The following DPP10 variants were observed in gnomAD, a reference collection of about 807,000 sequenced individuals.
DPP10 encodes inactive dipeptidyl peptidase 10.
Under a neutral mutation model 120.9 loss-of-function variants are expected in DPP10, and 33 were observed. The ratio of observed to expected loss-of-function variants is 0.27; its 90% CI spans 0.21 to 0.37. The LOEUF is 0.37. Among genes scored for constraint, DPP10 ranks in the 10% least tolerant of loss-of-function variants. DPP10 has a pLI of 1.00. For synonymous variants in DPP10, 337 were observed against 326.1 expected, an observed-to-expected ratio of 1.03 and a Z score of -0.36; for missense variants, 816 against 942.8, an observed-to-expected ratio of 0.87 and a Z score of 1.76.
intron 1 of DPP10, among the ~76,000 whole-genome samples, chr2:115,223,646 C>G (rs532859897): frequency 4.6e-5 from 7 of 151,738 alleles, no homozygotes; most frequent in African/African-American, 1.5e-4. Context: ...CAAAAAGGAA[C>G]GAGTAAACGA....
At chr2:115,308,311 T>A (rs2061439089) in intron 1 of DPP10, among the ~76,000 whole-genome samples, 1 of 152,126 alleles carries the variant, frequency 6.6e-6, no homozygotes, top group Non-Finnish European at 1.5e-5. Flanking sequence ...TTTGTTTCAT[T>A]TATCACCAAA....
At chr2:115,074,663 C>G (rs577211744) in intron 1 of DPP10, among the ~76,000 whole-genome samples, 54 of 152,156 alleles carry the variant, frequency 3.5e-4, no homozygotes, top group African/African-American at 1.1e-3. Flanking sequence ...AATGGTAAAC[C>G]ATTTCGAAGG....
At chr2:114,949,752 A>G (rs1243064941) in intron 1 of DPP10, among the ~76,000 whole-genome samples, 2 of 152,188 alleles carry the variant, frequency 1.3e-5, no homozygotes, top group Non-Finnish European at 2.9e-5. Context: ...TGAAAGAGGC[A>G]TCACTTCACC....
At chr2:115,562,943 T>C (rs2080779900) in intron 5 of DPP10, among the ~76,000 whole-genome samples, 1 of 152,202 alleles carries the variant, frequency 6.6e-6, no homozygotes, top group Admixed American at 6.5e-5. Flanking sequence ...ATCTTCCCGG[T>C]CAGGAAAGTT....
intron 1 of DPP10, among the ~76,000 whole-genome samples, chr2:115,023,179 C>A (rs1258770410): frequency 6.6e-6 from 1 of 152,084 alleles, no homozygotes; most frequent in Non-Finnish European, 1.5e-5. Context: ...ACCTTCTGCA[C>A]AGCAAAAGAA....
intron 5 of DPP10, among the ~76,000 whole-genome samples, chr2:115,651,066 T>G (rs953120189): frequency 6.6e-6 from 1 of 152,042 alleles, no homozygotes; most frequent in Non-Finnish European, 1.5e-5. Flanking sequence ...TAACAAAGCA[T>G]GCTTATCTTT....
chr2:114,448,139 A>G lies in DPP10; in HGVS notation c.60+5301A>G, dbSNP rs562155126. ...TTCTTTTTAATAAAGAGTGACTATA[A>G]TAATTGGCCAGCTTTACATTTTATA... is the stretch of plus-strand genomic sequence containing the variant. On this transcript the variant is annotated intron_variant, in intron 1 of 25. Coordinates refer to ENST00000410059, the MANE Select transcript of DPP10 (RefSeq NM_020868.6). 5.9e-5 allele frequency among the ~76,000 whole-genome samples: 9 copies of G among 152,310 alleles called. No individual in the cohort carries two copies. In the East Asian group the frequency reaches 1.3e-3, roughly 23 times the overall value.
chr2:114,897,253 A>C (rs1442759103), intron 1 of DPP10, among the ~76,000 whole-genome samples: 6 of 152,140 alleles, frequency 3.9e-5, no homozygotes, highest in Admixed American at 6.5e-5. Flanking sequence ...GGCCTCATAA[A>C]ATGAGTTAGG....
intron 1 of DPP10, among the ~76,000 whole-genome samples, chr2:114,909,052 G>A (rs1694176209): frequency 6.6e-6 from 1 of 151,528 alleles, no homozygotes; most frequent in Non-Finnish European, 1.5e-5. Flanking sequence ...TCACTACTAG[G>A]AATATATTTA....
chr2:115,560,434 A>ATATATG (rs1207514620), intron 5 of DPP10, among the ~76,000 whole-genome samples: 3 of 98,384 alleles, frequency 3.0e-5, no homozygotes, highest in African/African-American at 1.2e-4. Flanking sequence ...ATATATATAT[A>ATATATG]TATATATATA....
intron 13 of DPP10, among the ~76,000 whole-genome samples, chr2:115,774,594 C>T (rs1253350159): frequency 6.6e-6 from 1 of 152,054 alleles, no homozygotes; most frequent in African/African-American, 2.4e-5. Flanking sequence ...CTCTAGTCAA[C>T]AAATACTTGT....
At chr2:115,516,574 G>GTTTTT (rs5833606) in intron 4 of DPP10, among the ~76,000 whole-genome samples, 2 of 138,254 alleles carry the variant, frequency 1.4e-5, no homozygotes, top group Non-Finnish European at 1.5e-5. Flanking sequence ...GTTATTCTTT[G>GTTTTT]TTTTTTTTTT....
intron 1 of DPP10, among the ~76,000 whole-genome samples, chr2:114,610,671 A>G (rs77778405): frequency 0.051 from 7,821 of 152,140 alleles, 261 homozygotes; most frequent in Non-Finnish European, 0.083. Context: ...GAGGCTGACA[A>G]TTTGGGGAAG....
chr2:115,496,644 C>T (rs1321896546), intron 3 of DPP10, among the ~76,000 whole-genome samples: 1 of 152,110 alleles, frequency 6.6e-6, no homozygotes, highest in East Asian at 1.9e-4. Flanking sequence ...ACTAAAATTG[C>T]TCTATGGCTT....
intron 1 of DPP10, among the ~76,000 whole-genome samples, chr2:115,267,720 G>T (rs1315923679): frequency 1.3e-5 from 2 of 151,926 alleles, no homozygotes; most frequent in Non-Finnish European, 2.9e-5. Flanking sequence ...TCTCCTATAG[G>T]TAAACACAAT....
intron 9 of DPP10, among the ~76,000 whole-genome samples, chr2:115,744,513 G>C (rs1025761178): frequency 6.7e-6 from 1 of 150,370 alleles, no homozygotes; most frequent in South Asian, 2.1e-4. Flanking sequence ...CGTGCGGGAG[G>C]CTCATAGCTT....
At chr2:115,461,999 G>T (rs2074015131) in intron 3 of DPP10, among the ~76,000 whole-genome samples, 1 of 152,038 alleles carries the variant, frequency 6.6e-6, no homozygotes. Context: ...GAAATTGAAT[G>T]GTATTTTAGG....
chr2:115,290,240 ATGTTATAC>A (rs1440502319), intron 1 of DPP10, among the ~76,000 whole-genome samples: 3 of 152,124 alleles, frequency 2.0e-5, no homozygotes, highest in Non-Finnish European at 2.9e-5. Flanking sequence ...AATCTAGTAA[ATGTTATAC>A]CTCTTGGTGT....
At chr2:114,857,898 G>A (rs1351216313) in intron 1 of DPP10, among the ~76,000 whole-genome samples, 1 of 152,178 alleles carries the variant, frequency 6.6e-6, no homozygotes, top group Non-Finnish European at 1.5e-5. Flanking sequence ...CTGAGTTTTT[G>A]TGAGGCAGGT....
Sources: allele counts gnomAD v4.1 joint callset (sites outside exome capture counted in the v4.1 genomes callset), GRCh38; gene constraint gnomAD v4.1.1; transcripts MANE v1.5; gene names NCBI Gene and HGNC (gene_info 2026-07-23, HGNC 2026-07-21).